The following AGMO variants were observed in gnomAD, a reference collection of about 807,000 sequenced individuals.
The protein encoded by AGMO is glyceryl-ether monooxygenase.
A neutral mutation model predicts 60.2 loss-of-function variants in AGMO; 75 were observed. The ratio of observed to expected loss-of-function variants is 1.25; its 90% confidence interval spans 1.03 to 1.51. AGMO has a LOEUF of 1.51. Ranked by LOEUF, AGMO falls within the 40% of genes most tolerant of loss-of-function variation. The pLI is 0.00. For synonymous variants in AGMO, 261 were observed against 177.1 expected (o/e 1.47, Z -3.76); for missense variants, 763 against 525.5 (o/e 1.45, Z -4.42).
At chr7:15,486,340 C>T (rs984286287) in intron 3 of AGMO, among the ~76,000 whole-genome samples, 3 of 152,022 alleles carry the variant, frequency 2.0e-5, no homozygotes, top group Non-Finnish European at 2.9e-5. Context: ...AGTTCAAACC[C>T]GTGACCCTGG....
chr7:15,438,747 G>T (rs1036690823), intron 3 of AGMO, among the ~76,000 whole-genome samples: 1 of 152,266 alleles, frequency 6.6e-6, no homozygotes, highest in Non-Finnish European at 1.5e-5. Context: ...TGACAGCATG[G>T]AGCAGAGTAC....
intron 12 of AGMO, among the ~76,000 whole-genome samples, chr7:15,273,691 G>C (rs752311026): frequency 2.0e-5 from 3 of 152,132 alleles, no homozygotes; most frequent in Non-Finnish European, 4.4e-5. Flanking sequence ...GGATGGCATT[G>C]AATCTATAAA....
At chr7:15,445,922 A>G (rs1445738909) in intron 3 of AGMO, among the ~76,000 whole-genome samples, 1 of 152,034 alleles carries the variant, frequency 6.6e-6, no homozygotes, top group Non-Finnish European at 1.5e-5. Context: ...ATCCTATTCC[A>G]TCAAATACAA....
chr7:15,375,013 A>T (rs1195155949), intron 10 of AGMO, among the ~76,000 whole-genome samples: 3 of 152,164 alleles, frequency 2.0e-5, no homozygotes, highest in South Asian at 4.2e-4. Flanking sequence ...CAGACTGGAA[A>T]ATCTCATGAT....
intron 6 of AGMO, among the ~76,000 whole-genome samples, chr7:15,392,826 ACAAAC>A (rs755464754): frequency 7.6e-6 from 1 of 131,634 alleles, no homozygotes; most frequent in African/African-American, 2.7e-5. Flanking sequence ...AAACAAACAA[ACAAAC>A]AACTTTAAAT....
intron 10 of AGMO, among the ~76,000 whole-genome samples, chr7:15,369,286 G>C (rs1320155056): frequency 6.6e-6 from 1 of 151,998 alleles, no homozygotes; most frequent in Non-Finnish European, 1.5e-5. Flanking sequence ...CATGCAGAGT[G>C]ATCCTTTTAA....
intron 2 of AGMO, among the ~76,000 whole-genome samples, chr7:15,548,505 A>G (rs1418657561): frequency 1.1e-4 from 16 of 152,216 alleles, no homozygotes; most frequent in East Asian, 1.9e-4. Context: ...AGGCTCGAGA[A>G]CTACGTGAAG....
Position 15,454,314 on chromosome 7 carries a change from T to C in AGMO, c.410-23206A>G, listed in dbSNP as rs1031225001. The stretch of plus-strand genomic sequence containing the variant: ...TGCTTTTGCTTGAAATGTGCTTGAA[T>C]GTGCTTGAAATTTCCCAAAAGAACA... On this transcript the variant is annotated intron_variant, in intron 3 of 12. Coordinates refer to ENST00000342526, the MANE Select transcript of AGMO (RefSeq NM_001004320.2). 1.2e-4 allele frequency among the ~76,000 whole-genome samples: 18 copies of C among 152,086 alleles called. 1 individual carries two copies. The highest frequency in any genetic ancestry group is 4.3e-4 in the African/African-American group (18 of 41,510).
chr7:15,494,893 G>C (rs1783182649), intron 3 of AGMO, among the ~76,000 whole-genome samples: 1 of 152,160 alleles, frequency 6.6e-6, no homozygotes, highest in Non-Finnish European at 1.5e-5. Flanking sequence ...CTTACTAAAT[G>C]CAAGTTTTGC....
intron 12 of AGMO, among the ~76,000 whole-genome samples, chr7:15,301,760 C>G (rs1176806060): frequency 6.6e-6 from 1 of 152,032 alleles, no homozygotes; most frequent in Non-Finnish European, 1.5e-5. Context: ...TGAAACCAAT[C>G]TGAATTACAT....
At chr7:15,142,080 G>C in the AGMO span, among the ~76,000 whole-genome samples, 3 of 152,080 alleles carry the variant, frequency 2.0e-5, no homozygotes, top group Non-Finnish European at 1.5e-5. Flanking sequence ...GTGGGTTTCA[G>C]TATCAAGGTC....
chr7:15,318,895 C>T (rs903882491), intron 12 of AGMO, among the ~76,000 whole-genome samples: 1 of 152,128 alleles, frequency 6.6e-6, no homozygotes, highest in Admixed American at 6.6e-5. Flanking sequence ...TTGCTAATTA[C>T]AACACTTGAT....
chr7:15,161,020 C>T, the AGMO span, among the ~76,000 whole-genome samples: 1 of 152,150 alleles, frequency 6.6e-6, no homozygotes, highest in Admixed American at 6.6e-5. Flanking sequence ...GAATGAAACT[C>T]ATCCTTTTAT....
At chr7:15,359,303 AAAAAG>A (rs1298817204) in intron 12 of AGMO, among the ~76,000 whole-genome samples, 2 of 151,696 alleles carry the variant, frequency 1.3e-5, no homozygotes, top group East Asian at 3.9e-4. Flanking sequence ...AAAAAAAAAA[AAAAAG>A]AAATTAGATT....
rs556002949 is a variant in AGMO at position 15,332,241 on chromosome 7, A to T, written c.1263+33273T>A. On this transcript the variant is annotated intron_variant, in intron 12 of 12. Coordinates refer to ENST00000342526, the MANE Select transcript of AGMO (RefSeq NM_001004320.2). ...GTGGTGTTGACTAATACATACCTGC[A>T]CTTGACACTGAAACCTTTCTCCCTA... 2.6e-5 allele frequency among the ~76,000 whole-genome samples: 4 copies of T among 152,226 alleles called. No homozygotes were observed. In the East Asian group the frequency reaches 7.7e-4, roughly 29 times the overall value.
At chr7:15,292,884 A>C (rs1441504757) in intron 12 of AGMO, among the ~76,000 whole-genome samples, 1 of 149,940 alleles carries the variant, frequency 6.7e-6, no homozygotes, top group African/African-American at 2.5e-5. Flanking sequence ...CAACCTACCG[A>C]GTAGCTGGGA....
chr7:15,252,023 C>T (rs1782953898), intron 12 of AGMO, among the ~76,000 whole-genome samples: 1 of 152,144 alleles, frequency 6.6e-6, no homozygotes, highest in African/African-American at 2.4e-5. Context: ...TTAGCATAGG[C>T]GATTGTGCTT....
intron 3 of AGMO, among the ~76,000 whole-genome samples, chr7:15,470,422 G>C (rs1490699965): frequency 1.3e-5 from 2 of 151,394 alleles, no homozygotes; most frequent in African/African-American, 4.9e-5. Context: ...TCTGTTTCAT[G>C]GGCTTATACA....
At chr7:15,343,804 G>A (rs982015262) in intron 12 of AGMO, among the ~76,000 whole-genome samples, 7 of 152,174 alleles carry the variant, frequency 4.6e-5, no homozygotes, top group Admixed American at 2.0e-4. Context: ...AGAAAGGGAA[G>A]CAGAGAGATT....
Sources: allele counts gnomAD v4.1 joint callset (sites outside exome capture counted in the v4.1 genomes callset), GRCh38; gene constraint gnomAD v4.1.1; transcripts MANE v1.5; gene names NCBI Gene and HGNC (gene_info 2026-07-23, HGNC 2026-07-21).